FOXP2: variants seen among roughly 807,000 people sequenced by gnomAD.
FOXP2 encodes the protein forkhead box protein P2.
FOXP2 carries 12 observed loss-of-function variants against 115.8 expected under a neutral mutation model. The observed-to-expected ratio is 0.10, with a 90% CI of 0.07 to 0.17. The LOEUF (loss-of-function observed/expected upper bound fraction) is 0.17. Ranked by LOEUF, FOXP2 falls within the 10% of genes least tolerant of loss-of-function variation. The pLI is 1.00. For synonymous variants in FOXP2, 328 were observed against 297.7 expected, an observed-to-expected ratio of 1.10 and a Z score of -1.05; for missense variants, 629 against 843.5, an observed-to-expected ratio of 0.75 and a Z score of 3.15.
chr7:114,378,176 G>T (rs959398954), intron 2 of FOXP2, among the ~76,000 whole-genome samples: 1 of 152,200 alleles, frequency 6.6e-6, no homozygotes, highest in Non-Finnish European at 1.5e-5. Context: ...CTCTGTGGCA[G>T]AGAGGTCTGA....
intron 2 of FOXP2, among the ~76,000 whole-genome samples, chr7:114,367,985 A>G (rs552479318): frequency 6.6e-6 from 1 of 152,320 alleles, no homozygotes; most frequent in East Asian, 1.9e-4. Flanking sequence ...CTACACAGAA[A>G]TTAGTGAAAT....
intron 2 of FOXP2, among the ~76,000 whole-genome samples, chr7:114,372,624 A>C (rs1434362353): frequency 3.3e-5 from 5 of 152,246 alleles, no homozygotes; most frequent in Non-Finnish European, 7.3e-5. Context: ...TGCTCAAGCA[A>C]CTTCTCACAA....
chr7:114,221,506 A>G (rs1794620341), intron 1 of FOXP2, among the ~76,000 whole-genome samples: 1 of 152,248 alleles, frequency 6.6e-6, no homozygotes, highest in East Asian at 1.9e-4. Flanking sequence ...TCTAGGCACA[A>G]CTGGTAAGTA....
intron 1 of FOXP2, among the ~76,000 whole-genome samples, chr7:114,166,033 G>T (rs1261984188): frequency 1.3e-5 from 2 of 152,124 alleles, no homozygotes; most frequent in South Asian, 4.1e-4. Context: ...TCAACAAATA[G>T]TGCTTAAACA....
intron 1 of FOXP2, among the ~76,000 whole-genome samples, chr7:114,180,289 G>T (rs1421905714): frequency 6.6e-6 from 1 of 151,836 alleles, no homozygotes; most frequent in Non-Finnish European, 1.5e-5. Context: ...TGTTCTCATG[G>T]CATGTTCTCT....
At chr7:114,572,202 A>C (rs192547189) in intron 3 of FOXP2, among the ~76,000 whole-genome samples, 61 of 151,848 alleles carry the variant, frequency 4.0e-4, no homozygotes, top group African/African-American at 1.4e-3. Context: ...TCAAAAGTGG[A>C]AGCAGCAATA....
At chr7:114,163,109 A>C (rs1010036494) in intron 1 of FOXP2, 10 of 152,150 alleles carry the variant, frequency 6.6e-5, no homozygotes, top group African/African-American at 2.2e-4. Context: ...TGTACTGTAC[A>C]TATTTTTCAT....
intron 11 of FOXP2, among the ~76,000 whole-genome samples, chr7:114,658,522 A>G (rs1459798973): frequency 6.6e-6 from 1 of 152,228 alleles, no homozygotes; most frequent in Non-Finnish European, 1.5e-5. Context: ...AGCCCATATT[A>G]TCACCTCAAT....
intron 2 of FOXP2, among the ~76,000 whole-genome samples, chr7:114,308,000 G>A (rs556292411): frequency 1.1e-4 from 17 of 152,110 alleles, no homozygotes; most frequent in Admixed American, 3.3e-4. Flanking sequence ...GGGAAGGAGC[G>A]TTAATTAATT....
intron 2 of FOXP2, among the ~76,000 whole-genome samples, chr7:114,461,410 G>T (rs7795871): frequency 1.3e-5 from 2 of 151,310 alleles, no homozygotes; most frequent in African/African-American, 2.4e-5. Context: ...TTATTTCTAG[G>T]ATATTTATTA....
At chr7:114,521,865 G>A (rs1020571995) in intron 2 of FOXP2, among the ~76,000 whole-genome samples, 5 of 152,206 alleles carry the variant, frequency 3.3e-5, no homozygotes, top group African/African-American at 1.2e-4. Context: ...GTGCAAGGCA[G>A]TGTCATGGTT....
chr7:114,091,820 G>A (rs1400379725), intron 1 of FOXP2, among the ~76,000 whole-genome samples: 4 of 151,750 alleles, frequency 2.6e-5, no homozygotes, highest in East Asian at 1.9e-4. Flanking sequence ...CATTTTCTCC[G>A]TAAATCATCT....
At chr7:114,615,333 C>T (rs764554411) in intron 3 of FOXP2, among the ~76,000 whole-genome samples, 2 of 152,148 alleles carry the variant, frequency 1.3e-5, no homozygotes, top group Non-Finnish European at 2.9e-5. Context: ...GATCTGCTCT[C>T]TACTACTATT....
intron 2 of FOXP2, among the ~76,000 whole-genome samples, chr7:114,302,471 A>T (rs1239292629): frequency 6.6e-6 from 1 of 152,212 alleles, no homozygotes; most frequent in Non-Finnish European, 1.5e-5. Context: ...AGAGGAGGTA[A>T]TACTATCATT....
chr7:114,280,633 G>A (rs1194330), intron 1 of FOXP2, among the ~76,000 whole-genome samples: 97,755 of 151,790 alleles, frequency 0.64, 32,347 homozygotes, highest in Middle Eastern at 0.8. Context: ...TTTAAATGTC[G>A]TCAAAATTAT....
chr7:114,625,398 G>T (rs1379213634), intron 3 of FOXP2, among the ~76,000 whole-genome samples: 1 of 151,764 alleles, frequency 6.6e-6, no homozygotes, highest in Non-Finnish European at 1.5e-5. Flanking sequence ...TACATATCTA[G>T]CGAAAAATAG....
intron 1 of FOXP2, among the ~76,000 whole-genome samples, chr7:114,149,192 G>T (rs1470787107): frequency 6.6e-6 from 1 of 151,886 alleles, no homozygotes; most frequent in Non-Finnish European, 1.5e-5. Flanking sequence ...TTTCTTATTG[G>T]AAAAAGTGTT....
intron 2 of FOXP2, among the ~76,000 whole-genome samples, chr7:114,443,752 C>A (rs1019416266): frequency 6.6e-6 from 1 of 152,116 alleles, no homozygotes; most frequent in African/African-American, 2.4e-5. Flanking sequence ...AGGACATGAT[C>A]TCACTCTTTT....
intron 1 of FOXP2, among the ~76,000 whole-genome samples, chr7:114,266,606 T>A (rs1430150022): frequency 6.6e-6 from 1 of 152,160 alleles, no homozygotes; most frequent in Non-Finnish European, 1.5e-5. Flanking sequence ...ATATGAGGAA[T>A]CCATCCTTAT....
Sources: gnomAD v4.1 joint callset for allele counts (sites outside exome capture counted in the v4.1 genomes callset) on GRCh38, gnomAD v4.1.1 for gene constraint, MANE v1.5 for transcripts, NCBI Gene and HGNC (gene_info 2026-07-23, HGNC 2026-07-21) for gene names.